Variants in MSTO1 observed in about 807,000 individuals in gnomAD.
MSTO1 encodes protein misato homolog 1.
A neutral mutation model predicts 55.7 loss-of-function variants in MSTO1; 24 were observed. The observed-to-expected ratio is 0.43, with a 90% CI of 0.31 to 0.61. The LOEUF is 0.61. MSTO1 is among the 20% of genes least tolerant of loss of function. The probability of loss-of-function intolerance (pLI) is 0.09; values close to 1 mark genes in which losing one functional copy is unlikely to be tolerated. For missense variants in MSTO1, 363 were observed against 625.7 expected (o/e 0.58, Z 4.48); for synonymous variants, 162 against 252.8 (o/e 0.64, Z 3.41).
At chr1:155,596,452 A>T in the MSTO1 span, among the ~76,000 whole-genome samples, 1 of 152,158 alleles carries the variant, frequency 6.6e-6, no homozygotes, top group Admixed American at 6.6e-5. Flanking sequence ...CTTTATATAC[A>T]TACTGGGTTT....
chr1:155,569,733 G>A, the MSTO1 span, among the ~76,000 whole-genome samples: 2 of 151,888 alleles, frequency 1.3e-5, no homozygotes, highest in Non-Finnish European at 2.9e-5. Flanking sequence ...CACTGCACCC[G>A]GCCAGTTGTT....
In MSTO1 at chr1:155,611,302, C is replaced by T. The variant is rs1673917260; in HGVS notation, c.366+11C>T. Reference sequence around the variant, plus strand: ...TTTCTGAGTGCAGAGGTGAGGGCCTCTGTCCTGAACTTTTTAACCCGGTGC... The same window carrying T: ...TTTCTGAGTGCAGAGGTGAGGGCCTTTGTCCTGAACTTTTTAACCCGGTGC... On this transcript the variant is annotated intron_variant, in intron 4 of 13. Coordinates refer to ENST00000245564, the MANE Select transcript of MSTO1 (RefSeq NM_018116.4). 6.2e-7 allele frequency: 1 copy of T among 1,613,760 alleles called. No homozygotes were observed. The highest frequency in any genetic ancestry group is 8.5e-7 in the Non-Finnish European group (1 of 1,179,830).
At chr1:155,599,152 T>C in the MSTO1 span, among the ~76,000 whole-genome samples, 3 of 151,378 alleles carry the variant, frequency 2.0e-5, no homozygotes, top group Non-Finnish European at 4.4e-5. Context: ...CACTCTAGCC[T>C]GGGCGACAAA....
chr1:155,597,804 C>T, the MSTO1 span, among the ~76,000 whole-genome samples: 1 of 149,468 alleles, frequency 6.7e-6, no homozygotes, highest in East Asian at 2.0e-4. Flanking sequence ...GCCACAGCAC[C>T]CAGCCACTAC....
chr1:155,573,880 A>G, the MSTO1 span, among the ~76,000 whole-genome samples: 1 of 151,874 alleles, frequency 6.6e-6, no homozygotes, highest in Non-Finnish European at 1.5e-5. Context: ...TACCCAGGCT[A>G]TGCTAGGCAA....
chr1:155,609,243 A>ATATATATATATATATATATATTTTTTT (rs59756178), upstream of MSTO1, among the ~76,000 whole-genome samples: 1 of 54,578 alleles, frequency 1.8e-5, no homozygotes, highest in Non-Finnish European at 3.0e-5. Flanking sequence ...ATATATATAT[A>ATATATATATATATATATATATTTTTTT]TTTTTTTTTT....
At chr1:155,572,000 C>T in the MSTO1 span, among the ~76,000 whole-genome samples, 1 of 151,604 alleles carries the variant, frequency 6.6e-6, no homozygotes, top group African/African-American at 2.4e-5. Flanking sequence ...CAAGATTGCG[C>T]CACTGCACTG....
At chr1:155,569,118 G>GT in the MSTO1 span, among the ~76,000 whole-genome samples, 1 of 151,398 alleles carries the variant, frequency 6.6e-6, no homozygotes, top group African/African-American at 2.4e-5. Flanking sequence ...CCTCCCAAGG[G>GT]TTTTTTATTT....
At chr1:155,605,723 C>T (rs1314446178), upstream of MSTO1, among the ~76,000 whole-genome samples, 1 of 152,176 alleles carries the variant, frequency 6.6e-6, no homozygotes, top group Non-Finnish European at 1.5e-5. Flanking sequence ...CTGCAGTGAG[C>T]TCTGATCCAG....
At position 155,611,890 on chromosome 1, in the gene MSTO1, T is replaced by G. The variant is rs1571235434; in HGVS notation, c.560+63T>G. On this transcript the variant is annotated intron_variant, in intron 6 of 13. Coordinates refer to ENST00000245564, the MANE Select transcript of MSTO1 (RefSeq NM_018116.4). ...GGTCCCCACCAATGCAGGATGAGGC[T>G]CTTGAGGCCATCTTCCCTGCCCTTC... is the stretch of plus-strand genomic sequence containing the variant. The G allele has an allele frequency of 9.7e-6, 7 of 722,198 alleles. No homozygotes were observed. The East Asian group carries it at 2.0e-4, about 20-fold the overall frequency. The allele number at this position is 722,198 out of a possible 1,614,324, so 44.7% of individuals were successfully genotyped here.
rs763115466 is a variant in MSTO1, at chr1:155,611,390, G to T, written c.366+99G>T. ...GATTTTAATCATTTTAAGTGTCTTAGAATGATATTTTGGGAAAAAGCACTC... is the reference window on the plus strand; with the variant it reads ...GATTTTAATCATTTTAAGTGTCTTATAATGATATTTTGGGAAAAAGCACTC... On this transcript the variant is annotated intron_variant, in intron 4 of 13. Transcript: ENST00000245564. 9 of 1,609,330 alleles carry T rather than the reference G, an allele frequency of 5.6e-6. No individual in the cohort carries two copies. The African/African-American group carries it at 1.1e-4, about 19-fold the overall frequency.
the MSTO1 span, chr1:155,563,680 TC>T: frequency 1.0e-4 from 40 of 399,494 alleles, no homozygotes; most frequent in Middle Eastern, 7.5e-4. Context: ...GGACTTAGTC[TC>T]CCTTTTCTTC....
chr1:155,585,347 C>A, the MSTO1 span, among the ~76,000 whole-genome samples: 1 of 152,134 alleles, frequency 6.6e-6, no homozygotes, highest in East Asian at 1.9e-4. Flanking sequence ...CACGGTGAAA[C>A]CCCGTCTCTA....
At chr1:155,604,766 T>A in the MSTO1 span, among the ~76,000 whole-genome samples, 6 of 152,042 alleles carry the variant, frequency 3.9e-5, no homozygotes, top group African/African-American at 1.4e-4. Flanking sequence ...TCCCAGCTAC[T>A]TGGGGGGCTG....
chr1:155,591,965 T>G, the MSTO1 span, among the ~76,000 whole-genome samples: 4 of 152,084 alleles, frequency 2.6e-5, no homozygotes, highest in Non-Finnish European at 5.9e-5. Flanking sequence ...TAACAAAAAT[T>G]TCATCACATT....
chr1:155,568,623 A>G, the MSTO1 span, among the ~76,000 whole-genome samples: 25 of 151,370 alleles, frequency 1.7e-4, no homozygotes, highest in African/African-American at 6.1e-4. Context: ...TGTTTTTAGT[A>G]GAGACAGGAT....
chr1:155,603,031 T>C, the MSTO1 span, among the ~76,000 whole-genome samples: 6 of 152,172 alleles, frequency 3.9e-5, no homozygotes, highest in South Asian at 8.3e-4. Flanking sequence ...GAATCCCTTA[T>C]GTATGTTTTT....
At position 155,614,793 on chromosome 1, in the gene MSTO1, T is replaced by C. The variant is rs1011774919; in HGVS notation, c.*520T>C. ...GCTGGTCTGCATTGCTGGTACTGGT[T>C]GCATCATCCTCATCCTCAGAGCTGG... On this transcript the variant is annotated 3_prime_UTR_variant, in exon 14 of 14. Transcript: ENST00000245564. 12 of 1,556,414 alleles carry C rather than the reference T, an allele frequency of 7.7e-6. No homozygotes were observed. Among genetic ancestry groups the C allele is most frequent in the Non-Finnish European group, 1.1e-5 (12 of 1,137,496 alleles).
chr1:155,589,600 C>T, the MSTO1 span, among the ~76,000 whole-genome samples: 102 of 152,276 alleles, frequency 6.7e-4, no homozygotes, highest in South Asian at 0.017. Flanking sequence ...GACAGTGCAG[C>T]CTTCAGTCTG....
Sources: allele counts gnomAD v4.1 joint callset (sites outside exome capture counted in the v4.1 genomes callset), GRCh38; gene constraint gnomAD v4.1.1; transcripts MANE v1.5; gene names NCBI Gene and HGNC (gene_info 2026-07-23, HGNC 2026-07-21).